Variants in ATRNL1 observed in about 807,000 individuals in gnomAD.
ATRNL1 encodes attractin-like protein 1.
ATRNL1 carries 95 observed loss-of-function variants against 182.7 expected under a neutral mutation model. The observed-to-expected ratio is 0.52, with a 90% confidence interval of 0.44 to 0.62. The LOEUF is 0.62. Among genes scored for constraint, ATRNL1 ranks in the 20% least tolerant of loss-of-function variants. The pLI is 0.00. For missense variants in ATRNL1, 1,471 were observed against 1,679.5 expected (o/e 0.88, Z 2.17); for synonymous variants, 576 against 568.3 (o/e 1.01, Z -0.19).
chr10:115,105,830 G>A (rs1843985463), intron 1 of ATRNL1, among the ~76,000 whole-genome samples: 1 of 152,180 alleles, frequency 6.6e-6, no homozygotes, highest in Non-Finnish European at 1.5e-5. Flanking sequence ...TTATGGAAAC[G>A]CCTGGATGTC....
At chr10:115,673,797 A>T (rs115079540) in intron 26 of ATRNL1, among the ~76,000 whole-genome samples, 2,038 of 152,128 alleles carry the variant, frequency 0.013, 26 homozygotes, top group African/African-American at 0.039. Flanking sequence ...TTACCAACTC[A>T]TTTATAACCA....
intron 1 of ATRNL1, among the ~76,000 whole-genome samples, chr10:115,115,810 C>A (rs1003171849): frequency 1.3e-5 from 2 of 151,962 alleles, no homozygotes; most frequent in African/African-American, 4.8e-5. Flanking sequence ...AGTTATATAT[C>A]CATAGTCAAA....
chr10:115,104,713 A>G lies in ATRNL1; in HGVS notation c.293+10670A>G, dbSNP rs146584326. ...TAAGTCTTTAATCCATTTTCATTTGATTGTTGTATATGGTGAGAGATAGGG... is the reference window on the plus strand; with the variant it reads ...TAAGTCTTTAATCCATTTTCATTTGGTTGTTGTATATGGTGAGAGATAGGG... On this transcript the variant is annotated intron_variant, in intron 1 of 28. Transcript: ENST00000355044. Among the ~76,000 whole-genome samples the G allele has an allele frequency of 4.8e-3, 735 of 152,094 alleles. 3 individuals carry two copies. The highest frequency in any genetic ancestry group is 7.0e-3 in the Non-Finnish European group (479 of 67,968).
chr10:115,700,343 A>C (rs1436956132), intron 26 of ATRNL1, among the ~76,000 whole-genome samples: 1 of 152,156 alleles, frequency 6.6e-6, no homozygotes, highest in African/African-American at 2.4e-5. Flanking sequence ...CAGCCTCACC[A>C]GCATCTACTG....
At chr10:115,923,712 C>T (rs1555119251) in intron 28 of ATRNL1, among the ~76,000 whole-genome samples, 2 of 152,178 alleles carry the variant, frequency 1.3e-5, no homozygotes, top group African/African-American at 2.4e-5. Flanking sequence ...CCACAATAAA[C>T]ATACATGTGC....
At chr10:115,096,914 T>C in intron 1 of ATRNL1, 1 of 642,970 alleles carries the variant, frequency 1.6e-6, no homozygotes. Flanking sequence ...GGAAAATATA[T>C]TTGAAATATA....
At chr10:115,385,841 A>G (rs1298601148) in intron 19 of ATRNL1, among the ~76,000 whole-genome samples, 1 of 152,134 alleles carries the variant, frequency 6.6e-6, no homozygotes, top group African/African-American at 2.4e-5. Flanking sequence ...GAATTACTTT[A>G]GTACATTTGT....
chr10:115,501,234 C>A (rs574277381), intron 24 of ATRNL1, among the ~76,000 whole-genome samples: 1 of 152,132 alleles, frequency 6.6e-6, no homozygotes, highest in Non-Finnish European at 1.5e-5. Flanking sequence ...GCGTCTGGCC[C>A]AGGTGAGACT....
rs1851631637 is a variant in ATRNL1 at position 115,266,919 on chromosome 10, A to T, written c.1895A>T (p.Lys632Ile). 6.2e-7 allele frequency: 1 copy of T among 1,612,520 alleles called. No individual in the cohort carries two copies. The highest frequency in any genetic ancestry group is 8.5e-7 in the Non-Finnish European group (1 of 1,179,128). Residue 632 changes from lysine to isoleucine, a missense_variant, in exon 12 of 29, where the codon AAA becomes ATA. Transcript: ENST00000355044. ...ELCKNAGPGI[K>I]CVWNKNHCES... ...TGTAAAAATGCTGGTCCAGGGATAA[A>T]ATGTGTTTGGAATAAAAATCACTGT... is the stretch of plus-strand genomic sequence containing the variant.
chr10:115,520,703 C>T (rs1031121132), intron 25 of ATRNL1, among the ~76,000 whole-genome samples: 1 of 152,084 alleles, frequency 6.6e-6, no homozygotes, highest in South Asian at 2.1e-4. Flanking sequence ...TCTCCTAATT[C>T]CTCCATGTGG....
rs78060322 is a variant in ATRNL1, at chr10:115,170,308, T to A, written c.1093-729T>A. ...GGTTGGAAAAATTTTTTTCTATTTCTAGTTTGTTGAAATAATGATAATTTA... is the reference window on the plus strand; with the variant it reads ...GGTTGGAAAAATTTTTTTCTATTTCAAGTTTGTTGAAATAATGATAATTTA... On this transcript the variant is annotated intron_variant, in intron 7 of 28. Coordinates refer to ENST00000355044, the MANE Select transcript of ATRNL1 (RefSeq NM_207303.4). Among the ~76,000 whole-genome samples, 282 of 152,288 alleles carry A rather than the reference T, an allele frequency of 1.9e-3. 6 individuals carry two copies. In the East Asian group the frequency reaches 0.048, roughly 26 times the overall value.
chr10:115,696,058 C>A (rs1187691204), intron 26 of ATRNL1, among the ~76,000 whole-genome samples: 1 of 152,028 alleles, frequency 6.6e-6, no homozygotes, highest in Non-Finnish European at 1.5e-5. Context: ...GCTACCACAC[C>A]CGGCTAATTT....
chr10:115,616,214 G>C (rs1857420802), intron 26 of ATRNL1, among the ~76,000 whole-genome samples: 1 of 152,198 alleles, frequency 6.6e-6, no homozygotes. Flanking sequence ...CTAGTGATCT[G>C]TGGAACTTTG....
At chr10:115,438,273 G>C (rs192354347) in intron 21 of ATRNL1, among the ~76,000 whole-genome samples, 1 of 151,812 alleles carries the variant, frequency 6.6e-6, no homozygotes, top group African/African-American at 2.4e-5. Flanking sequence ...CAGATATAAA[G>C]ATATTTCCAG....
intron 5 of ATRNL1, among the ~76,000 whole-genome samples, chr10:115,149,520 T>C (rs1283064327): frequency 6.6e-6 from 1 of 152,188 alleles, no homozygotes; most frequent in Non-Finnish European, 1.5e-5. Flanking sequence ...CCTTTCATGC[T>C]TAGTTTGTTG....
chr10:115,901,835 C>T (rs1163941129), intron 28 of ATRNL1, among the ~76,000 whole-genome samples: 2 of 151,224 alleles, frequency 1.3e-5, no homozygotes, highest in East Asian at 1.9e-4. Flanking sequence ...TTTTTTGACT[C>T]GGTAATCATG....
intron 8 of ATRNL1, among the ~76,000 whole-genome samples, chr10:115,215,495 A>G (rs1439206720): frequency 6.6e-6 from 1 of 152,178 alleles, no homozygotes; most frequent in Non-Finnish European, 1.5e-5. Flanking sequence ...ATCTATGGAA[A>G]GACCAGTGTT....
chr10:115,169,351 C>T (rs552544553), intron 7 of ATRNL1, among the ~76,000 whole-genome samples: 4 of 151,544 alleles, frequency 2.6e-5, no homozygotes, highest in South Asian at 2.1e-4. Context: ...GGATTACAGG[C>T]GCCTGCCACC....
chr10:115,462,325 A>G (rs1414117044), intron 22 of ATRNL1, among the ~76,000 whole-genome samples: 1 of 152,140 alleles, frequency 6.6e-6, no homozygotes, highest in East Asian at 1.9e-4. Flanking sequence ...ATTTAAAAAT[A>G]AAACTCGTTC....
Sources: allele counts gnomAD v4.1 joint callset (sites outside exome capture counted in the v4.1 genomes callset), GRCh38; gene constraint gnomAD v4.1.1; transcripts MANE v1.5; gene names NCBI Gene and HGNC (gene_info 2026-07-23, HGNC 2026-07-21).